Variants in SPINK8 observed in about 807,000 individuals in gnomAD.
SPINK8 encodes serine peptidase inhibitor Kazal type 8 (putative).
A neutral mutation model predicts 14.4 loss-of-function variants in SPINK8; 12 were observed. That is an observed-to-expected ratio of 0.83 (90% CI 0.53 to 1.35). The LOEUF (loss-of-function observed/expected upper bound fraction) is 1.35. SPINK8 is among the 40% of genes most tolerant of loss of function. SPINK8 has a pLI of 0.00. For missense variants in SPINK8, 103 were observed against 117.0 expected (o/e 0.88, Z 0.55); for synonymous variants, 32 against 37.6 (o/e 0.85, Z 0.55).
chr3:48,327,186 T>C (rs2107112330), intron 4 of SPINK8, among the ~76,000 whole-genome samples: 1 of 152,296 alleles, frequency 6.6e-6, no homozygotes, highest in African/African-American at 2.4e-5. Context: ...GTAGCAGTGG[T>C]ACATGGGTTA....
At chr3:48,332,754 T>C (rs1201625374) in intron 1 of SPINK8, among the ~76,000 whole-genome samples, 1 of 152,236 alleles carries the variant, frequency 6.6e-6, no homozygotes, top group Non-Finnish European at 1.5e-5. Context: ...GTATCTGATC[T>C]AGCAGTAACA....
At chr3:48,313,609 C>T (rs1419408747) in intron 6 of SPINK8, among the ~76,000 whole-genome samples, 1 of 152,146 alleles carries the variant, frequency 6.6e-6, no homozygotes, top group Non-Finnish European at 1.5e-5. Context: ...AAATTCCACC[C>T]CTAGGTATAT....
intron 5 of SPINK8, among the ~76,000 whole-genome samples, chr3:48,319,870 G>A (rs1305325395): frequency 2.6e-5 from 4 of 152,110 alleles, no homozygotes; most frequent in South Asian, 2.1e-4. Context: ...CCGGCCGGGC[G>A]CGGTGGCTCA....
At chr3:48,323,355 T>G (rs886484578) in intron 4 of SPINK8, among the ~76,000 whole-genome samples, 1 of 152,078 alleles carries the variant, frequency 6.6e-6, no homozygotes, top group Non-Finnish European at 1.5e-5. Flanking sequence ...CGCCTCAGCC[T>G]CCTAAAGTTC....
chr3:48,317,254 C>T (rs1481400114), intron 6 of SPINK8, among the ~76,000 whole-genome samples: 6 of 151,888 alleles, frequency 4.0e-5, no homozygotes, highest in Admixed American at 2.0e-4. Flanking sequence ...TTTGGGAGGC[C>T]GAGGCAGGCT....
intron 3 of SPINK8, among the ~76,000 whole-genome samples, chr3:48,328,934 T>C (rs62263033): frequency 0.02 from 2,985 of 152,358 alleles, 41 homozygotes; most frequent in Non-Finnish European, 0.032. Flanking sequence ...AACCATAGTA[T>C]ATTTACCAAC....
At chr3:48,309,383 C>T (rs2035893174) in intron 7 of SPINK8, among the ~76,000 whole-genome samples, 1 of 152,180 alleles carries the variant, frequency 6.6e-6, no homozygotes, top group Non-Finnish European at 1.5e-5. Flanking sequence ...TAACTGTTCA[C>T]ATTTCAATTA....
chr3:48,325,107 A>G (rs567243187), intron 4 of SPINK8, among the ~76,000 whole-genome samples: 1 of 152,160 alleles, frequency 6.6e-6, no homozygotes, highest in Non-Finnish European at 1.5e-5. Flanking sequence ...TAGCCATTCC[A>G]ACTTTTTATG....
chr3:48,333,605 T>G lies in SPINK8; in HGVS notation c.-312A>C, dbSNP rs1293872870. On this transcript the variant is annotated 5_prime_UTR_variant, in exon 1 of 8. Coordinates refer to ENST00000434006, the MANE Select transcript of SPINK8 (RefSeq NM_001080525.3). ...AAGAAAGGGGTCTGGGCTGCTGGAT[T>G]CTAGTGGTCCTTTACCAGCGTGCCT... Among the ~76,000 whole-genome samples, 1 of 152,206 alleles carries G rather than the reference T, an allele frequency of 6.6e-6. No individual in the cohort carries two copies. Among genetic ancestry groups the G allele is most frequent in the Non-Finnish European group, 1.5e-5 (1 of 68,040 alleles).
chr3:48,331,647 G>A (rs2036263178), intron 2 of SPINK8, among the ~76,000 whole-genome samples: 1 of 152,146 alleles, frequency 6.6e-6, no homozygotes, highest in South Asian at 2.1e-4. Flanking sequence ...GTGTATAATG[G>A]CCCCTGTTTT....
intron 3 of SPINK8, among the ~76,000 whole-genome samples, chr3:48,328,575 G>A (rs941856124): frequency 6.6e-6 from 1 of 152,168 alleles, no homozygotes; most frequent in Non-Finnish European, 1.5e-5. Context: ...TTTAGAAGAT[G>A]CCAGAAAAAG....
At chr3:48,312,218 A>G (rs905545034) in intron 6 of SPINK8, among the ~76,000 whole-genome samples, 3 of 152,168 alleles carry the variant, frequency 2.0e-5, no homozygotes, top group Admixed American at 2.0e-4. Context: ...AGAATCAAGG[A>G]TCCAAAAATA....
chr3:48,329,666 AT>A (rs1440208540), intron 2 of SPINK8, among the ~76,000 whole-genome samples: 1 of 152,166 alleles, frequency 6.6e-6, no homozygotes, highest in Non-Finnish European at 1.5e-5. Context: ...GGTTCTATTT[AT>A]TTTTATTTCT....
intron 4 of SPINK8, among the ~76,000 whole-genome samples, chr3:48,323,295 C>T (rs890869795): frequency 1.3e-5 from 2 of 152,062 alleles, no homozygotes; most frequent in African/African-American, 4.8e-5. Context: ...CAGGTGTGCA[C>T]CACCACACCC....
intron 6 of SPINK8, among the ~76,000 whole-genome samples, chr3:48,318,638 A>G (rs1167676962): frequency 6.6e-6 from 1 of 152,200 alleles, no homozygotes; most frequent in East Asian, 1.9e-4. Flanking sequence ...TATGGGTTCT[A>G]GTGTAAGCTT....
At chr3:48,328,196 T>G (rs1258307135) in intron 4 of SPINK8, 79 bp downstream of exon 4, 3 of 1,187,522 alleles carry the variant, frequency 2.5e-6, no homozygotes, top group Non-Finnish European at 2.4e-6. Context: ...TGAACAGCAC[T>G]TCCACTTCCA....
Position 48,306,951 on chromosome 3 carries a change from A to G in SPINK8, c.*41T>C. The stretch of plus-strand genomic sequence containing the variant: ...GGCAACCATTGTGTTTCACTTGGCA[A>G]TCTGGAGATTCAGTAGGTTTTATAA... On this transcript the variant is annotated 3_prime_UTR_variant, in exon 8 of 8. Transcript: ENST00000434006. 1 of 1,609,320 alleles carries G rather than the reference A, an allele frequency of 6.2e-7. No homozygotes were observed.
intron 6 of SPINK8, among the ~76,000 whole-genome samples, chr3:48,318,819 T>C (rs2036029368): frequency 1.3e-5 from 2 of 152,238 alleles, no homozygotes; most frequent in South Asian, 2.1e-4. Context: ...TCTCTTAAGA[T>C]AGCACTCAAC....
chr3:48,320,418 C>T (rs565110310), intron 5 of SPINK8, among the ~76,000 whole-genome samples: 2 of 151,670 alleles, frequency 1.3e-5, no homozygotes, highest in South Asian at 2.1e-4. Context: ...TGTGGTGGCA[C>T]GTACCTGTAG....
Sources: gnomAD v4.1 joint callset for allele counts (sites outside exome capture counted in the v4.1 genomes callset) on GRCh38, gnomAD v4.1.1 for gene constraint, MANE v1.5 for transcripts, NCBI Gene and HGNC (gene_info 2026-07-23, HGNC 2026-07-21) for gene names.